The following TMEM183A variants were observed in gnomAD, a reference collection of about 807,000 sequenced individuals.
TMEM183A encodes the protein transmembrane protein 183A, also known as chromosome 1 open reading frame 37.
A neutral mutation model predicts 46.7 loss-of-function variants in TMEM183A; 21 were observed. That is an observed-to-expected ratio of 0.45 (90% CI 0.32 to 0.65). The LOEUF (loss-of-function observed/expected upper bound fraction) is 0.65. TMEM183A is among the 30% of genes least tolerant of loss of function. The pLI is 0.04. For missense variants in TMEM183A, 331 were observed against 481.9 expected, an observed-to-expected ratio of 0.69 and a Z score of 2.93; for synonymous variants, 165 against 180.2, an observed-to-expected ratio of 0.92 and a Z score of 0.68.
intron 5 of TMEM183A, 39 bp downstream of exon 5, chr1:203,016,179 C>T (rs367649575): frequency 6.2e-7 from 1 of 1,612,978 alleles, no homozygotes; most frequent in Non-Finnish European, 8.5e-7. Flanking sequence ...CTAATGAACT[C>T]TTGTATGGTA....
chr1:203,008,914 G>A, intron 3 of TMEM183A, 104 bp downstream of exon 3: 4 of 1,234,034 alleles, frequency 3.2e-6, no homozygotes, highest in Non-Finnish European at 4.2e-6. Context: ...CGTGATACCA[G>A]GAGAGTTTAA....
intron 3 of TMEM183A, among the ~76,000 whole-genome samples, chr1:203,012,148 T>TCA (rs767000280): frequency 0.062 from 4,909 of 79,400 alleles, 489 homozygotes; most frequent in East Asian, 0.092. Context: ...CCCCACTCCA[T>TCA]CACACACACA....
At chr1:203,008,843 C>T in intron 3 of TMEM183A, 33 bp downstream of exon 3, 2 of 1,559,078 alleles carry the variant, frequency 1.3e-6, no homozygotes. Flanking sequence ...GTTTATTAGA[C>T]CTGCCTGTGG....
rs902652421 is a variant in TMEM183A at position 203,007,482 on chromosome 1, G to A, written c.17G>A (p.Gly6Asp). 5 of 1,472,388 alleles carry A rather than the reference G, an allele frequency of 3.4e-6. No homozygotes were observed. In the South Asian group the frequency reaches 3.8e-5, roughly 11 times the overall value. 91.2% of individuals were successfully genotyped at this position (1,472,388 alleles called of 1,614,324 possible). MARGPGPLGRPRPDTV... is the reference protein window; with the variant it reads MARGPDPLGRPRPDTV... ...GCCGGAGACATGGCCCGGGGGCCCG[G>A]CCCGCTAGGCAGGCCTCGCCCCGAT... The change falls in exon 1 of 8, where the codon GGC becomes GAC. Residue 6 changes from glycine to aspartate, a missense_variant. Physicochemically the swap from Gly to Asp is moderately conservative, Grantham distance 94 (BLOSUM62 -1). This residue lies in a region of TMEM183A where 98 missense variants were observed against 96.1 expected (regional missense o/e 1.02). Coordinates refer to ENST00000367242, the MANE Select transcript of TMEM183A (RefSeq NM_138391.6).
rs1310388989 is a variant in TMEM183A, at chr1:203,023,085, T to C, written c.*45T>C. On this transcript the variant is annotated 3_prime_UTR_variant, in exon 8 of 8. Coordinates refer to ENST00000367242, the MANE Select transcript of TMEM183A (RefSeq NM_138391.6). Reference sequence around the variant, plus strand: ...GGGGGCAGCCTCGAGTGTAGTCCATTAGTAATCAGATTCCAGTTTGGACAG... The same window carrying C: ...GGGGGCAGCCTCGAGTGTAGTCCATCAGTAATCAGATTCCAGTTTGGACAG... 3.5e-6 allele frequency: 4 copies of C among 1,139,904 alleles called. No homozygotes were observed. The highest frequency in any genetic ancestry group is 5.2e-5 in the Admixed American group (2 of 38,188). The allele number at this position is 1,139,904 out of a possible 1,614,324, so 70.6% of individuals were successfully genotyped here.
rs1439135070 is a variant in TMEM183A at position 203,023,698 on chromosome 1, G to C, written c.*658G>C. 2 of 152,556 alleles carry C rather than the reference G, an allele frequency of 1.3e-5. No homozygotes were observed. The highest frequency in any genetic ancestry group is 4.8e-5 in the African/African-American group (2 of 41,442). The allele number at this position is 152,556 out of a possible 1,614,324, so 9.5% of individuals were successfully genotyped here. ...GGTACTATACTAGGAACTTTACATA[G>C]TATCTCTACTTCTCACAGTCTTGCA... On this transcript the variant is annotated 3_prime_UTR_variant, in exon 8 of 8. Transcript: ENST00000367242.
At chr1:203,017,231 G>T (rs1476778484) in intron 5 of TMEM183A, among the ~76,000 whole-genome samples, 1 of 151,944 alleles carries the variant, frequency 6.6e-6, no homozygotes, top group African/African-American at 2.4e-5. Flanking sequence ...AGTGGACAGT[G>T]TATCTTCTCA....
At position 203,013,755 on chromosome 1, in the gene TMEM183A, C is replaced by T. The variant is rs1440114658; in HGVS notation, c.368-1134C>T. 4.6e-5 allele frequency among the ~76,000 whole-genome samples: 7 copies of T among 151,878 alleles called. No homozygotes were observed. Among genetic ancestry groups the T allele is most frequent in the East Asian group, 3.9e-4 (2 of 5,176 alleles). ...CTCTCGATCTCCTGACCTCGCGATT[C>T]GCCCACCTCGGCCTCCCAAAGTGTT... is the stretch of plus-strand genomic sequence containing the variant. On this transcript the variant is annotated intron_variant, in intron 3 of 7. Transcript: ENST00000367242. This position sits in a 1 kb window ranked among gnomAD's most constrained non-coding sequence, Gnocchi z 4.0.
chr1:203,018,375 T>A, intron 5 of TMEM183A, 106 bp from the exon 6 acceptor site: 1 of 1,324,290 alleles, frequency 7.6e-7, no homozygotes, highest in African/African-American at 1.5e-5. Flanking sequence ...TGGCTGGCTT[T>A]AGAGCTGTCA....
In TMEM183A at chr1:203,022,866, T is replaced by C. The variant is rs1178999682; in HGVS notation, c.957T>C (p.Asn319=). Residue 319 remains asparagine (N), a synonymous_variant, in exon 8 of 8, where the codon AAT becomes AAC. Transcript: ENST00000367242. The part of the protein sequence containing the change: ...MGMIFTLFTI[N]VSTDMRHHRV... ...CTTTTCCATTTCAGTTTACTATCAATGTGAGCACGGACATGCGGCATCATC... is the reference window on the plus strand; with the variant it reads ...CTTTTCCATTTCAGTTTACTATCAACGTGAGCACGGACATGCGGCATCATC... 1.9e-6 allele frequency: 3 copies of C among 1,613,892 alleles called. No homozygotes were observed. Among genetic ancestry groups the C allele is most frequent in the Non-Finnish European group, 2.5e-6 (3 of 1,179,842 alleles).
At chr1:203,014,765 G>C in intron 3 of TMEM183A, 124 bp from the exon 4 acceptor site, 6 of 1,369,674 alleles carry the variant, frequency 4.4e-6, no homozygotes, top group Non-Finnish European at 5.8e-6. Flanking sequence ...AGTTTGAGGG[G>C]TTTCCTTGGA....
At chr1:203,021,569 T>C (rs545196804) in intron 7 of TMEM183A, among the ~76,000 whole-genome samples, 13 of 152,332 alleles carry the variant, frequency 8.5e-5, no homozygotes, top group Admixed American at 1.3e-4. Flanking sequence ...AACATTATCC[T>C]ATTAGGAAGA....
intron 5 of TMEM183A, among the ~76,000 whole-genome samples, chr1:203,017,347 T>TG (rs2102559447): frequency 6.6e-6 from 1 of 152,282 alleles, no homozygotes; most frequent in South Asian, 2.1e-4. Context: ...AATCAATTGC[T>TG]GGGGGCAGAG....
At chr1:203,017,203 G>A (rs1280589704) in intron 5 of TMEM183A, among the ~76,000 whole-genome samples, 2 of 152,050 alleles carry the variant, frequency 1.3e-5, no homozygotes, top group Admixed American at 1.3e-4. Context: ...CCCAGCAGCT[G>A]CTTCTGCTTG....
rs115721530 is a variant in TMEM183A, at chr1:203,012,658, T to C, written c.368-2231T>C. ...AAATTTTGTTTCTAAAGACAGAAAA[T>C]TTGTAATAGCACTCTGCTTTGTAAA... is the stretch of plus-strand genomic sequence containing the variant. On this transcript the variant is annotated intron_variant, in intron 3 of 7. Transcript: ENST00000367242. Among the ~76,000 whole-genome samples the C allele has an allele frequency of 7.5e-3, 1,138 of 152,336 alleles. 20 individuals carry two copies. The highest frequency in any genetic ancestry group is 0.026 in the African/African-American group (1,100 of 41,580).
In TMEM183A at chr1:203,024,594, TCA is replaced by T. The variant is rs1658021132; in HGVS notation, c.*1559_*1560del. On this transcript the variant is annotated 3_prime_UTR_variant, in exon 8 of 8. Coordinates refer to ENST00000367242, the MANE Select transcript of TMEM183A (RefSeq NM_138391.6). Reference sequence around the variant, plus strand: ...ACGTTGAGGGTGGTATTAAAACTGTTCACACAGAGTGAGCCTGGGTCAGTCAA... The same window carrying T: ...ACGTTGAGGGTGGTATTAAAACTGTTCACAGAGTGAGCCTGGGTCAGTCAA... The T allele has an allele frequency of 6.6e-6, 1 of 152,154 alleles. No homozygotes were observed. The highest frequency in any genetic ancestry group is 6.5e-5 in the Admixed American group (1 of 15,278). The allele number at this position is 152,154 out of a possible 1,614,324, so 9.4% of individuals were successfully genotyped here. A position where few individuals can be genotyped will look rare whatever the true frequency, so the allele number is the denominator to read the frequency against.
chr1:203,012,235 T>TCACA (rs56743654), intron 3 of TMEM183A, among the ~76,000 whole-genome samples: 10,103 of 80,746 alleles, frequency 0.13, 1,324 homozygotes, highest in East Asian at 0.19. Context: ...CCCCACTCCA[T>TCACA]CACACACACA....
chr1:203,007,426 C>A lies in TMEM183A; in HGVS notation c.-40C>A. ...GGGATGGCCGCGGAGCCGGGCGGAG[C>A]TGGCTTGCGGCTCCCGGGGCCGGCT... On this transcript the variant is annotated 5_prime_UTR_variant, in exon 1 of 8. It adds an upstream start codon to the 5' untranslated region. Coordinates refer to ENST00000367242, the MANE Select transcript of TMEM183A (RefSeq NM_138391.6). 5 of 1,385,076 alleles carry A rather than the reference C, an allele frequency of 3.6e-6. No individual in the cohort carries two copies. The highest frequency in any genetic ancestry group is 4.7e-6 in the Non-Finnish European group (5 of 1,068,410). 85.8% of individuals were successfully genotyped at this position (1,385,076 alleles called of 1,614,324 possible). A position where few individuals can be genotyped will look rare whatever the true frequency, so the allele number is the denominator to read the frequency against.
chr1:203,023,096 T>C lies in TMEM183A; in HGVS notation c.*56T>C, dbSNP rs1381934834. On this transcript the variant is annotated 3_prime_UTR_variant, in exon 8 of 8. Transcript: ENST00000367242. ...CGAGTGTAGTCCATTAGTAATCAGA[T>C]TCCAGTTTGGACAGGGTGGCTGGAT... 7 of 1,048,032 alleles carry C rather than the reference T, an allele frequency of 6.7e-6. No individual in the cohort carries two copies. The highest frequency in any genetic ancestry group is 9.6e-6 in the Non-Finnish European group (7 of 727,070). 64.9% of individuals were successfully genotyped at this position (1,048,032 alleles called of 1,614,324 possible).
Sources: gnomAD v4.1 joint callset for allele counts (sites outside exome capture counted in the v4.1 genomes callset) on GRCh38, gnomAD v4.1.1 for gene constraint, gnomAD v4.1.1 regional missense constraint, Gnocchi (gnomAD v3.1) non-coding constraint, MANE v1.5 for transcripts, NCBI Gene and HGNC (gene_info 2026-07-23, HGNC 2026-07-21) for gene names.